The following ZAN variants were observed in gnomAD, a reference collection of about 807,000 sequenced individuals.
ZAN encodes zonadhesin (gene/pseudogene).
ZAN carries 260 observed loss-of-function variants against 286.2 expected under a neutral mutation model. The ratio of observed to expected loss-of-function variants is 0.91; its 90% CI spans 0.82 to 1.01. The LOEUF (loss-of-function observed/expected upper bound fraction) is 1.01. ZAN is among the 50% of genes least tolerant of loss of function. The probability of loss-of-function intolerance (pLI) is 0.00; values close to 1 mark genes in which losing one functional copy is unlikely to be tolerated. For missense variants in ZAN, 3,410 were observed against 3,639.2 expected (o/e 0.94, Z 1.62); for synonymous variants, 1,368 against 1,417.5 (o/e 0.97, Z 0.79).
At chr7:100,749,509 G>C (rs1463343245) in intron 11 of ZAN, among the ~76,000 whole-genome samples, 7 of 151,224 alleles carry the variant, frequency 4.6e-5, no homozygotes, top group Non-Finnish European at 8.9e-5. Flanking sequence ...GCATGGTGGT[G>C]GGCGCCTGTA....
In ZAN at chr7:100,746,613, T is replaced by C; in HGVS notation, c.842T>C (p.Leu281Pro). ...QKAVLLSPVSLSSGCLSFSFH... is the reference protein window; with the variant it reads ...QKAVLLSPVSPSSGCLSFSFH... ...GCTGTCCTCCTGAGCCCCGTGAGCC[T>C]GTCCTCTGGCTGTCTGAGCTTTTCC... The change falls in exon 8 of 48, where the codon CTG (leucine) becomes CCG (proline). Residue 281 changes from leucine to proline, a missense_variant. Physicochemically the swap from Leu to Pro is moderately conservative, Grantham distance 98. Transcript: ENST00000613979. 6.2e-7 allele frequency: 1 copy of C among 1,614,026 alleles called. No individual in the cohort carries two copies. The highest frequency in any genetic ancestry group is 8.5e-7 in the Non-Finnish European group (1 of 1,179,896).
At position 100,752,368 on chromosome 7, in the gene ZAN, T is replaced by G. The variant is rs560599163; in HGVS notation, c.2263T>G (p.Ser755Ala). ...PTIPTEKPTI[S>A]PEKPTTPTEK... Reference sequence around the variant, plus strand: ...CATCCCCACAGAAAAACCCACCATCTCCCCAGAAAAACCCACCACCCCCAC... The same window carrying G: ...CATCCCCACAGAAAAACCCACCATCGCCCCAGAAAAACCCACCACCCCCAC... Residue 755 changes from serine (S) to alanine (A), a missense_variant, in exon 14 of 48, where the codon TCC becomes GCC. Physicochemically the swap from Ser to Ala is moderately conservative, Grantham distance 99. This residue lies in a region of ZAN where 39 missense variants were observed against 76.9 expected (regional missense o/e 0.51). Transcript: ENST00000613979. 1 of 1,047,496 alleles carries G rather than the reference T, an allele frequency of 9.5e-7. No individual in the cohort carries two copies. The highest frequency in any genetic ancestry group is 1.2e-6 in the Non-Finnish European group (1 of 860,056). The allele number at this position is 1,047,496 out of a possible 1,614,324, so 64.9% of individuals were successfully genotyped here. A position where few individuals can be genotyped will look rare whatever the true frequency, so the allele number is the denominator to read the frequency against.
In ZAN at chr7:100,786,111, G is replaced by GAC. The variant is rs1016113618; in HGVS notation, c.6951_6952dup (p.Asn2318ThrfsTer37). On this transcript the variant is annotated frameshift_variant, in exon 37 of 48. Transcript: ENST00000613979. LOFTEE classifies it high-confidence loss of function. ...TGGGTCCCACTGCCAGCTCACTTCCGACAACAGCAACAGCAATTGTGTCTC... is the reference window on the plus strand; with the variant it reads ...TGGGTCCCACTGCCAGCTCACTTCCGACACAACAGCAACAGCAATTGTGTCTC... 6.5e-5 allele frequency: 105 copies of GAC among 1,613,912 alleles called. No homozygotes were observed. The highest frequency in any genetic ancestry group is 9.3e-5 in the African/African-American group (7 of 75,066).
At chr7:100,773,920 A>C in intron 31 of ZAN, 55 bp downstream of exon 31, 4 of 1,551,854 alleles carry the variant, frequency 2.6e-6, no homozygotes, top group Non-Finnish European at 3.5e-6. Flanking sequence ...CACTCTCCCA[A>C]CTCCCCAACA....
chr7:100,791,472 T>C (rs905272194), intron 40 of ZAN, among the ~76,000 whole-genome samples: 1 of 152,134 alleles, frequency 6.6e-6, no homozygotes, highest in African/African-American at 2.4e-5. Context: ...AGTGGCATGA[T>C]CTCAGCTCAC....
Position 100,739,009 on chromosome 7 carries a change from T to C in ZAN, c.766+396T>C, listed in dbSNP as rs377208750. On this transcript the variant is annotated intron_variant, in intron 7 of 47. Transcript: ENST00000613979. The stretch of plus-strand genomic sequence containing the variant: ...TCCCTCTCCTTCTCCTTCTCCTTCT[T>C]CTTTTTCTTTTTTTTTTTTTGAAGC... Among the ~76,000 whole-genome samples, 355 of 76,060 alleles carry C rather than the reference T, an allele frequency of 4.7e-3. 64 individuals are homozygous for C. Among genetic ancestry groups the C allele is most frequent in the Middle Eastern group, 0.019 (3 of 160 alleles). 49.9% of individuals were successfully genotyped at this position (76,060 alleles called of 152,430 possible). A position where few individuals can be genotyped will look rare whatever the true frequency, so the allele number is the denominator to read the frequency against.
chr7:100,746,677 C>T lies in ZAN; in HGVS notation c.906C>T (p.Ala302=), dbSNP rs1808244357. ...TCCGGGGCCAGTCTCCTGGTGCAGC[C>T]CTCCACATTTATGCTTCAGTCTTGG... ...YILRGQSPGA[A]LHIYASVLGS... Residue 302 remains alanine, a synonymous_variant, in exon 8 of 48, where the codon GCC becomes GCT. Coordinates refer to ENST00000613979, the MANE Select transcript of ZAN (RefSeq NM_003386.3). 6.2e-7 allele frequency: 1 copy of T among 1,613,818 alleles called. No individual in the cohort carries two copies.
At chr7:100,770,978 A>G (rs563467477) in intron 28 of ZAN, among the ~76,000 whole-genome samples, 2 of 152,118 alleles carry the variant, frequency 1.3e-5, no homozygotes, top group Non-Finnish European at 2.9e-5. Flanking sequence ...TAGTTTTTGT[A>G]TCTTTAGTAG....
chr7:100,790,640 T>A, intron 39 of ZAN, among the ~76,000 whole-genome samples: 1 of 151,286 alleles, frequency 6.6e-6, no homozygotes, highest in East Asian at 1.9e-4. Flanking sequence ...CCCAGCACTC[T>A]GAGAGGCCGA....
In ZAN at chr7:100,735,820, C is replaced by T. The variant is rs552747000; in HGVS notation, c.106+48C>T. 212 of 1,349,614 alleles carry T rather than the reference C, an allele frequency of 1.6e-4. 34 individuals are homozygous for T. The highest frequency in any genetic ancestry group is 2.1e-4 in the Non-Finnish European group (204 of 974,790). 83.6% of individuals were successfully genotyped at this position (1,349,614 alleles called of 1,614,324 possible). A position where few individuals can be genotyped will look rare whatever the true frequency, so the allele number is the denominator to read the frequency against. ...TAAGATTTCTCCTCCCTCCTCCGAACCCACATTCTGCCACCAGAATGCCAG... is the reference window on the plus strand; with the variant it reads ...TAAGATTTCTCCTCCCTCCTCCGAATCCACATTCTGCCACCAGAATGCCAG... On this transcript the variant is annotated intron_variant, in intron 3 of 47. Transcript: ENST00000613979.
chr7:100,750,003 A>G (rs1433844478), intron 11 of ZAN, among the ~76,000 whole-genome samples: 1 of 146,006 alleles, frequency 6.8e-6, no homozygotes, highest in Non-Finnish European at 1.5e-5. Flanking sequence ...GTGAGCTGAG[A>G]TCGTGTCACT....
At chr7:100,776,718 CTTTTTTT>C (rs1161585746) in intron 34 of ZAN, among the ~76,000 whole-genome samples, 154 bp downstream of exon 34, 5 of 47,498 alleles carry the variant, frequency 1.1e-4, no homozygotes, top group Admixed American at 4.5e-4. Context: ...CCTCTCCTTT[CTTTTTTT>C]TTTTTTTTTT....
intron 8 of ZAN, 32 bp from the exon 9 acceptor site, chr7:100,747,518 C>T (rs190478024): frequency 1.3e-5 from 21 of 1,601,186 alleles, no homozygotes; most frequent in Non-Finnish European, 1.8e-5. Context: ...TCCCCTTAAG[C>T]TCACTTCTCC....
In ZAN at chr7:100,758,663, G is replaced by A; in HGVS notation, c.3571+13G>A. 1 of 1,551,060 alleles carries A rather than the reference G, an allele frequency of 6.4e-7. No individual in the cohort carries two copies. Among genetic ancestry groups the A allele is most frequent in the East Asian group, 2.4e-5 (1 of 40,974 alleles). ...GGCAACTCAACAGGTAGGCCCTGGAGATGCCACTGCGGCCTGGGGGGAGGG... is the reference window on the plus strand; with the variant it reads ...GGCAACTCAACAGGTAGGCCCTGGAAATGCCACTGCGGCCTGGGGGGAGGG... On this transcript the variant is annotated intron_variant, in intron 17 of 47. Transcript: ENST00000613979.
chr7:100,758,126 A>G (rs1037954324), intron 15 of ZAN, 76 bp from the exon 16 acceptor site: 11 of 1,133,810 alleles, frequency 9.7e-6, no homozygotes, highest in East Asian at 3.1e-5. Flanking sequence ...ATAAATAAAT[A>G]AATGAAAAAG....
At position 100,786,135 on chromosome 7, in the gene ZAN, TCAGA is replaced by T. The variant is rs761252577; in HGVS notation, c.6977_6979+1del. ...CGACAACAGCAACAGCAATTGTGTCTCAGACAGTAAGGGGAGCGACCGGGGAGGT... is the reference window on the plus strand; with the variant it reads ...CGACAACAGCAACAGCAATTGTGTCTCAGTAAGGGGAGCGACCGGGGAGGT... On this transcript the variant is annotated frameshift_variant and splice_region_variant, in exon 37 of 48. Coordinates refer to ENST00000613979, the MANE Select transcript of ZAN (RefSeq NM_003386.3). LOFTEE classifies it high-confidence loss of function. 1 of 1,613,626 alleles carries T rather than the reference TCAGA, an allele frequency of 6.2e-7. No homozygotes were observed. The highest frequency in any genetic ancestry group is 1.3e-5 in the African/African-American group (1 of 74,902).
In ZAN at chr7:100,748,427, A is replaced by G; in HGVS notation, c.1206A>G (p.Gly402=). ...ACTGGGCCCTCGGACATAAAAATGG[A>G]CCCGTCCATGGCATGGGCCCTGCGG... The part of the protein sequence containing the change: ...GGHWALGHKN[G]PVHGMGPAGG... The change falls in exon 11 of 48, where the codon GGA becomes GGG. Residue 402 remains glycine, a synonymous_variant. Coordinates refer to ENST00000613979, the MANE Select transcript of ZAN (RefSeq NM_003386.3). The G allele has an allele frequency of 6.2e-7, 1 of 1,613,770 alleles. No individual in the cohort carries two copies. The highest frequency in any genetic ancestry group is 8.5e-7 in the Non-Finnish European group (1 of 1,179,822).
At chr7:100,774,629 G>A in intron 31 of ZAN, among the ~76,000 whole-genome samples, 1 of 152,006 alleles carries the variant, frequency 6.6e-6, no homozygotes, top group East Asian at 1.9e-4. Context: ...CTGCATGCCA[G>A]CCTGGGTAAC....
At chr7:100,737,535 T>C (rs1807402537) in intron 6 of ZAN, among the ~76,000 whole-genome samples, 186 bp downstream of exon 6, 1 of 136,544 alleles carries the variant, frequency 7.3e-6, no homozygotes, top group Non-Finnish European at 1.6e-5. Flanking sequence ...TGAAGCCCCG[T>C]CTCTACTAAA....
Sources: gnomAD v4.1 joint callset for allele counts (sites outside exome capture counted in the v4.1 genomes callset) on GRCh38, gnomAD v4.1.1 for gene constraint, gnomAD v4.1.1 regional missense constraint, MANE v1.5 for transcripts, NCBI Gene and HGNC (gene_info 2026-07-23, HGNC 2026-07-21) for gene names.